Variants in SLC71A2 observed in about 807,000 individuals in gnomAD.
The protein encoded by SLC71A2 is hippocampus abundant transcript-like 1.
chr9:94,451,215 G>GTAGA, the SLC71A2 span, among the ~76,000 whole-genome samples: 123 of 152,242 alleles, frequency 8.1e-4, 1 homozygote, highest in Non-Finnish European at 1.0e-3. Context: ...AAAACAACAG[G>GTAGA]TAGACATATA....
the SLC71A2 span, among the ~76,000 whole-genome samples, chr9:94,415,803 G>A: frequency 6.6e-5 from 10 of 152,102 alleles, no homozygotes. Context: ...ATGCTCGCTC[G>A]CCTGCTGCTC....
the SLC71A2 span, among the ~76,000 whole-genome samples, chr9:94,399,180 G>C: frequency 6.6e-6 from 1 of 152,026 alleles, no homozygotes; most frequent in African/African-American, 2.4e-5. Context: ...TTGTTTTGGG[G>C]GCCTGAGTTA....
chr9:94,447,578 C>T, the SLC71A2 span, among the ~76,000 whole-genome samples: 3 of 151,606 alleles, frequency 2.0e-5, no homozygotes, highest in African/African-American at 4.9e-5. Flanking sequence ...CCCATATATC[C>T]CCTATCCCCA....
the SLC71A2 span, among the ~76,000 whole-genome samples, chr9:94,453,562 C>T: frequency 2.0e-5 from 3 of 152,280 alleles, no homozygotes; most frequent in South Asian, 6.2e-4. Flanking sequence ...TGTAAACTTC[C>T]AGCAGAAGCT....
At chr9:94,378,435 G>C in the SLC71A2 span, among the ~76,000 whole-genome samples, 1 of 152,032 alleles carries the variant, frequency 6.6e-6, no homozygotes, top group African/African-American at 2.4e-5. Context: ...GGAGACCAGC[G>C]TGGCCAACAT....
At chr9:94,452,668 C>A in the SLC71A2 span, among the ~76,000 whole-genome samples, 8 of 48,064 alleles carry the variant, frequency 1.7e-4, no homozygotes, top group East Asian at 4.4e-3. Context: ...CATATATATT[C>A]ATATATATTC....
At chr9:94,450,493 C>CTTTT in the SLC71A2 span, among the ~76,000 whole-genome samples, 24 of 102,020 alleles carry the variant, frequency 2.4e-4, no homozygotes, top group Middle Eastern at 6.7e-3. Flanking sequence ...AATAATGTAA[C>CTTTT]TTTTTTTTTT....
chr9:94,386,855 A>C, the SLC71A2 span, among the ~76,000 whole-genome samples: 1 of 151,592 alleles, frequency 6.6e-6, no homozygotes, highest in Non-Finnish European at 1.5e-5. Flanking sequence ...ACTGTTAACT[A>C]TTTTTTTTCC....
chr9:94,420,142 T>C, the SLC71A2 span, among the ~76,000 whole-genome samples: 1 of 152,158 alleles, frequency 6.6e-6, no homozygotes, highest in Non-Finnish European at 1.5e-5. Flanking sequence ...TCCAGTCTCT[T>C]ATATGTGTGT....
the SLC71A2 span, among the ~76,000 whole-genome samples, chr9:94,400,612 C>T: frequency 3.4e-4 from 51 of 149,358 alleles, no homozygotes; most frequent in African/African-American, 1.1e-3. Context: ...TTACTTGGAT[C>T]ACTGCCTTTC....
chr9:94,420,836 T>C, the SLC71A2 span, among the ~76,000 whole-genome samples: 1 of 152,068 alleles, frequency 6.6e-6, no homozygotes, highest in Non-Finnish European at 1.5e-5. Context: ...GAGGCAGTGA[T>C]TGTGGTGAGC....
the SLC71A2 span, among the ~76,000 whole-genome samples, chr9:94,382,324 C>T: frequency 1.3e-5 from 2 of 151,852 alleles, no homozygotes; most frequent in East Asian, 3.9e-4. Context: ...ATGTGCCCAA[C>T]TTCCCTAAAC....
chr9:94,379,378 G>A, the SLC71A2 span, among the ~76,000 whole-genome samples: 1 of 139,942 alleles, frequency 7.1e-6, no homozygotes, highest in Non-Finnish European at 1.6e-5. Context: ...GAGCCACTGC[G>A]CCTGGCCCTT....
chr9:94,454,669 T>C, the SLC71A2 span, among the ~76,000 whole-genome samples: 1 of 152,122 alleles, frequency 6.6e-6, no homozygotes, highest in African/African-American at 2.4e-5. Context: ...TGGCCACATA[T>C]GCTAATTTTT....
chr9:94,383,450 C>T, the SLC71A2 span, among the ~76,000 whole-genome samples: 14 of 152,274 alleles, frequency 9.2e-5, no homozygotes, highest in South Asian at 2.3e-3. Context: ...TGTGAGCCAC[C>T]ATGCCTGGTC....
chr9:94,446,966 A>G, the SLC71A2 span: 1 of 1,034,890 alleles, frequency 9.7e-7, no homozygotes, highest in Non-Finnish European at 1.5e-6. Flanking sequence ...TAGCCTTTCA[A>G]TACCAGGAAA....
At chr9:94,381,057 A>G in the SLC71A2 span, among the ~76,000 whole-genome samples, 1 of 86,526 alleles carries the variant, frequency 1.2e-5, no homozygotes, top group Admixed American at 1.2e-4. Flanking sequence ...TTTTTTTGAG[A>G]TGGAGTTTCA....
the SLC71A2 span, among the ~76,000 whole-genome samples, chr9:94,448,151 T>C: frequency 6.6e-6 from 1 of 152,184 alleles, no homozygotes; most frequent in Admixed American, 6.5e-5. Context: ...AAAACTTATT[T>C]CAGACCTGCC....
At chr9:94,449,372 A>G in the SLC71A2 span, among the ~76,000 whole-genome samples, 1 of 152,232 alleles carries the variant, frequency 6.6e-6, no homozygotes, top group African/African-American at 2.4e-5. Flanking sequence ...AACTCTTATA[A>G]TAAAAGACTT....
Sources: allele counts gnomAD v4.1 joint callset (sites outside exome capture counted in the v4.1 genomes callset), GRCh38; gene constraint gnomAD v4.1.1; transcripts MANE v1.5; gene names NCBI Gene and HGNC (gene_info 2026-07-23, HGNC 2026-07-21).